PTPN14: variants seen among roughly 807,000 people sequenced by gnomAD.
PTPN14 encodes protein tyrosine phosphatase non-receptor type 14, also known as tyrosine-protein phosphatase non-receptor type 14.
A neutral mutation model predicts 126.8 loss-of-function variants in PTPN14; 53 were observed. That is an observed-to-expected ratio of 0.42 (90% CI 0.34 to 0.53). PTPN14 has a LOEUF of 0.53. PTPN14 is among the 20% of genes least tolerant of loss of function. The pLI is 0.08. For missense variants in PTPN14, 1,257 were observed against 1,552.9 expected (o/e 0.81, Z 3.20); for synonymous variants, 630 against 599.3 (o/e 1.05, Z -0.75).
At chr1:214,521,539 C>T (rs1655254815) in intron 1 of PTPN14, among the ~76,000 whole-genome samples, 1 of 152,060 alleles carries the variant, frequency 6.6e-6, no homozygotes, top group African/African-American at 2.4e-5. Flanking sequence ...ATGGTGAAAC[C>T]CCATTTCTAC....
At chr1:214,535,778 C>CAA (rs10689118) in intron 1 of PTPN14, among the ~76,000 whole-genome samples, 8,215 of 130,336 alleles carry the variant, frequency 0.063, 500 homozygotes, top group East Asian at 0.28. Flanking sequence ...GACTCCATCT[C>CAA]AAAAAAAAAA....
At chr1:214,369,421 T>C in intron 17 of PTPN14, 36 bp downstream of exon 17, 1 of 1,568,950 alleles carries the variant, frequency 6.4e-7, no homozygotes, top group East Asian at 2.2e-5. Context: ...ATCATAAAAG[T>C]CAGTCAGGTA....
chr1:214,440,624 T>C (rs752648873), intron 3 of PTPN14, among the ~76,000 whole-genome samples: 1 of 152,200 alleles, frequency 6.6e-6, no homozygotes, highest in Non-Finnish European at 1.5e-5. Flanking sequence ...CAGTCTCTTA[T>C]AGGCAGCTAA....
At chr1:214,372,022 A>C (rs2102521193) in intron 16 of PTPN14, among the ~76,000 whole-genome samples, 1 of 152,344 alleles carries the variant, frequency 6.6e-6, no homozygotes, top group African/African-American at 2.4e-5. Context: ...AAATAAAAGA[A>C]GGTGGTTAAA....
chr1:214,504,931 C>T (rs1328642252), intron 1 of PTPN14, among the ~76,000 whole-genome samples: 1 of 152,070 alleles, frequency 6.6e-6, no homozygotes, highest in Non-Finnish European at 1.5e-5. Flanking sequence ...TTGATCCAAA[C>T]CCCCAGTGTG....
chr1:214,470,022 A>T (rs535261218), intron 1 of PTPN14, among the ~76,000 whole-genome samples: 1 of 152,302 alleles, frequency 6.6e-6, no homozygotes, highest in Admixed American at 6.5e-5. Context: ...CATTTATAGA[A>T]ATTAAAGAAA....
chr1:214,419,278 T>C (rs1486513833), intron 3 of PTPN14, among the ~76,000 whole-genome samples: 4 of 152,190 alleles, frequency 2.6e-5, no homozygotes, highest in Non-Finnish European at 5.9e-5. Flanking sequence ...ATCATTATCA[T>C]CACACACGGC....
intron 3 of PTPN14, among the ~76,000 whole-genome samples, chr1:214,430,871 A>C (rs1571995589): frequency 6.6e-6 from 1 of 152,336 alleles, no homozygotes; most frequent in Non-Finnish European, 1.5e-5. Context: ...GTGACCATCT[A>C]ATCTACCCAA....
At chr1:214,371,388 G>GC (rs1224750941) in intron 16 of PTPN14, among the ~76,000 whole-genome samples, 1 of 152,184 alleles carries the variant, frequency 6.6e-6, no homozygotes, top group Admixed American at 6.5e-5. Context: ...CCCTTTAGTA[G>GC]GAGTCCCCTA....
chr1:214,382,184 A>C (rs1479464362), intron 13 of PTPN14, among the ~76,000 whole-genome samples: 1 of 152,162 alleles, frequency 6.6e-6, no homozygotes. Context: ...TACAGGCGTG[A>C]GCCACAGTGC....
At chr1:214,464,578 A>G (rs1660584493) in intron 2 of PTPN14, 52 bp downstream of exon 2, 15 of 1,587,336 alleles carry the variant, frequency 9.4e-6, no homozygotes, top group Admixed American at 1.7e-5. Context: ...TCTCCTTCAC[A>G]TACCCAACAC....
chr1:214,510,595 A>C (rs1449809403), intron 1 of PTPN14, among the ~76,000 whole-genome samples: 2 of 152,228 alleles, frequency 1.3e-5, no homozygotes, highest in Non-Finnish European at 2.9e-5. Context: ...TCTGAATAAA[A>C]ACTCACACTC....
intron 1 of PTPN14, among the ~76,000 whole-genome samples, chr1:214,521,230 TAC>T (rs950715858): frequency 6.6e-6 from 1 of 152,228 alleles, no homozygotes; most frequent in African/African-American, 2.4e-5. Flanking sequence ...TATAAATGCA[TAC>T]ACGAGTATGC....
intron 1 of PTPN14, among the ~76,000 whole-genome samples, chr1:214,474,058 C>A (rs1430008992): frequency 4.6e-5 from 7 of 152,188 alleles, no homozygotes; most frequent in Admixed American, 2.6e-4. Context: ...GAGATGGAAA[C>A]TTGTCCTAAA....
chr1:214,371,523 T>C (rs934424633), intron 16 of PTPN14, among the ~76,000 whole-genome samples: 1 of 152,214 alleles, frequency 6.6e-6, no homozygotes, highest in African/African-American at 2.4e-5. Context: ...CACTTACTGC[T>C]ATCTGCACTG....
intron 16 of PTPN14, chr1:214,372,455 G>T: frequency 2.2e-6 from 1 of 464,378 alleles, no homozygotes; most frequent in Non-Finnish European, 3.8e-6. Context: ...TCAGTTTAGT[G>T]CATTACAATC....
intron 7 of PTPN14, among the ~76,000 whole-genome samples, chr1:214,399,871 A>G (rs144816912): frequency 6.6e-6 from 1 of 152,040 alleles, no homozygotes; most frequent in African/African-American, 2.4e-5. Context: ...TACACTTCTG[A>G]TATCACATTT....
chr1:214,384,058 G>A lies in PTPN14; in HGVS notation c.1797C>T (p.Thr599=). ...YVSGSSPDLV[T]RKVQLSVKTF... ...TCTTCACCGAGAGCTGCACCTTCCG[G>A]GTCACCAGGTCCGGGCTGCTGCCGC... Residue 599 remains threonine (T), a synonymous_variant, in exon 13 of 19, where the codon ACC becomes ACT. Coordinates refer to ENST00000366956, the MANE Select transcript of PTPN14 (RefSeq NM_005401.5). The surrounding 1 kb of genome is among the most constrained non-coding windows in gnomAD (Gnocchi z 5.3). 6.3e-7 allele frequency: 1 copy of A among 1,583,214 alleles called. No individual in the cohort carries two copies. Among genetic ancestry groups the A allele is most frequent in the Non-Finnish European group, 8.6e-7 (1 of 1,166,992 alleles).
intron 9 of PTPN14, 90 bp downstream of exon 9, chr1:214,394,809 G>T: frequency 8.9e-7 from 1 of 1,129,238 alleles, no homozygotes; most frequent in Non-Finnish European, 1.3e-6. Flanking sequence ...ATTATCTCAA[G>T]ATAGGGAGAG....
Sources: gnomAD v4.1 joint callset for allele counts (sites outside exome capture counted in the v4.1 genomes callset) on GRCh38, gnomAD v4.1.1 for gene constraint, Gnocchi (gnomAD v3.1) non-coding constraint, MANE v1.5 for transcripts, NCBI Gene and HGNC (gene_info 2026-07-23, HGNC 2026-07-21) for gene names.